FCHSD2: variants seen among roughly 807,000 people sequenced by gnomAD.
FCHSD2 encodes the protein F-BAR and double SH3 domains protein 2.
Under a neutral mutation model 108.1 loss-of-function variants are expected in FCHSD2, and 38 were observed. The ratio of observed to expected loss-of-function variants is 0.35; its 90% CI spans 0.27 to 0.46. The LOEUF is 0.46. FCHSD2 is among the 20% of genes least tolerant of loss of function. The pLI, the probability that FCHSD2 is intolerant of heterozygous loss-of-function variation, is 1.00. For synonymous variants in FCHSD2, 279 were observed against 314.7 expected (o/e 0.89, Z 1.20); for missense variants, 751 against 897.8 (o/e 0.84, Z 2.09).
chr11:73,075,816 G>GA (rs1482723775), intron 3 of FCHSD2, among the ~76,000 whole-genome samples: 1 of 151,174 alleles, frequency 6.6e-6, no homozygotes, highest in Non-Finnish European at 1.5e-5. Context: ...AATCAACAAA[G>GA]AAAAAATCAT....
At chr11:73,008,608 G>C (rs1306091393) in intron 4 of FCHSD2, among the ~76,000 whole-genome samples, 2 of 152,096 alleles carry the variant, frequency 1.3e-5, no homozygotes, top group Admixed American at 6.5e-5. Flanking sequence ...AATGGCCAGA[G>C]GTAAGTAGAG....
intron 13 of FCHSD2, among the ~76,000 whole-genome samples, chr11:72,851,150 G>C (rs1861278364): frequency 6.7e-6 from 1 of 148,326 alleles, no homozygotes; most frequent in South Asian, 2.1e-4. Context: ...CCAAGGATGT[G>C]GAGAACAGGA....
intron 2 of FCHSD2, among the ~76,000 whole-genome samples, chr11:73,126,086 A>G (rs1219815190): frequency 6.6e-6 from 1 of 152,058 alleles, no homozygotes; most frequent in Non-Finnish European, 1.5e-5. Flanking sequence ...TCACACCTGT[A>G]ATCCCAGCAC....
intron 2 of FCHSD2, among the ~76,000 whole-genome samples, chr11:73,103,023 C>T (rs1478267368): frequency 6.6e-6 from 1 of 152,160 alleles, no homozygotes; most frequent in East Asian, 1.9e-4. Context: ...AGTGTATCTA[C>T]TGTATGATTC....
intron 2 of FCHSD2, among the ~76,000 whole-genome samples, chr11:73,085,269 T>C (rs990298124): frequency 6.6e-6 from 1 of 152,164 alleles, no homozygotes. Context: ...GCATTCAAGG[T>C]TAAGCAATGA....
intron 9 of FCHSD2, among the ~76,000 whole-genome samples, chr11:72,909,775 G>C (rs967488673): frequency 2.0e-5 from 3 of 150,634 alleles, no homozygotes; most frequent in African/African-American, 7.3e-5. Context: ...CCCCATCTGG[G>C]AACTGAGGAG....
At chr11:73,074,204 C>T (rs1052311269) in intron 3 of FCHSD2, among the ~76,000 whole-genome samples, 6 of 152,072 alleles carry the variant, frequency 3.9e-5, no homozygotes, top group Non-Finnish European at 1.5e-5. Context: ...TGCTGGAGTG[C>T]AGTCAGGGGG....
intron 14 of FCHSD2, 122 bp from the exon 15 acceptor site, chr11:72,843,654 A>G (rs1175665516): frequency 1.3e-5 from 9 of 683,132 alleles, no homozygotes; most frequent in Non-Finnish European, 2.3e-5. Context: ...TGTTGAACAT[A>G]AAAATTTAAA....
At chr11:73,021,285 T>C (rs1409777043) in intron 3 of FCHSD2, among the ~76,000 whole-genome samples, 1 of 146,762 alleles carries the variant, frequency 6.8e-6, no homozygotes, top group East Asian at 2.0e-4. Flanking sequence ...CCATTAGCAA[T>C]AGCAAAGACA....
At chr11:72,930,852 A>T (rs1410722096) in intron 8 of FCHSD2, among the ~76,000 whole-genome samples, 1 of 152,198 alleles carries the variant, frequency 6.6e-6, no homozygotes, top group Non-Finnish European at 1.5e-5. Flanking sequence ...GTACAAAAAA[A>T]TAGAATAAGA....
Position 73,043,512 on chromosome 11 carries a change from T to C in FCHSD2, c.166-27627A>G, listed in dbSNP as rs116233754. ...GTTAAATTACATACAACTTTTATTG[T>C]TGTCTTTAAAAACTGACCCAATGTA... On this transcript the variant is annotated intron_variant, in intron 3 of 19. Coordinates refer to ENST00000409418, the MANE Select transcript of FCHSD2 (RefSeq NM_014824.3). Among the ~76,000 whole-genome samples the C allele has an allele frequency of 5.2e-3, 785 of 152,340 alleles. 6 individuals carry two copies. Among genetic ancestry groups the C allele is most frequent in the African/African-American group, 0.018 (762 of 41,576 alleles).
chr11:73,045,253 A>G (rs1447958387), intron 3 of FCHSD2, among the ~76,000 whole-genome samples: 15 of 151,908 alleles, frequency 9.9e-5, no homozygotes, highest in Admixed American at 3.3e-4. Flanking sequence ...GCGATCATTA[A>G]AAAGTCAGGA....
chr11:72,919,473 G>T (rs1855938296), intron 9 of FCHSD2, among the ~76,000 whole-genome samples: 1 of 152,148 alleles, frequency 6.6e-6, no homozygotes, highest in African/African-American at 2.4e-5. Flanking sequence ...TATAGTAGAA[G>T]ATCATGGAAA....
intron 3 of FCHSD2, among the ~76,000 whole-genome samples, chr11:73,071,678 C>T (rs866131742): frequency 2.6e-5 from 4 of 151,696 alleles, no homozygotes; most frequent in South Asian, 2.1e-4. Flanking sequence ...TCCAGCCTGG[C>T]GACAGAATGA....
intron 4 of FCHSD2, among the ~76,000 whole-genome samples, chr11:73,008,530 T>C (rs1161348921): frequency 6.6e-6 from 1 of 152,044 alleles, no homozygotes; most frequent in Non-Finnish European, 1.5e-5. Flanking sequence ...AGTGGAGGTG[T>C]TGATAAGAAC....
chr11:73,122,305 C>G (rs898317031), intron 2 of FCHSD2, among the ~76,000 whole-genome samples: 1 of 152,104 alleles, frequency 6.6e-6, no homozygotes, highest in Non-Finnish European at 1.5e-5. Flanking sequence ...AAAACTTCCC[C>G]GTATTAGAGA....
chr11:73,055,434 T>C (rs1481562432), intron 3 of FCHSD2, among the ~76,000 whole-genome samples: 3 of 152,014 alleles, frequency 2.0e-5, no homozygotes, highest in Non-Finnish European at 4.4e-5. Context: ...TTTCTACCCA[T>C]ACAGAGCTCT....
chr11:72,980,709 T>C (rs1469042105), intron 8 of FCHSD2, among the ~76,000 whole-genome samples: 2 of 149,714 alleles, frequency 1.3e-5, no homozygotes, highest in Non-Finnish European at 3.0e-5. Flanking sequence ...TGTATGTATG[T>C]ATATATATGT....
chr11:72,955,130 G>C (rs1463060948), intron 8 of FCHSD2, among the ~76,000 whole-genome samples: 1 of 152,074 alleles, frequency 6.6e-6, no homozygotes, highest in Non-Finnish European at 1.5e-5. Context: ...CCACAAGACT[G>C]CTCCCCACTT....
Sources: gnomAD v4.1 joint callset for allele counts (sites outside exome capture counted in the v4.1 genomes callset) on GRCh38, gnomAD v4.1.1 for gene constraint, MANE v1.5 for transcripts, NCBI Gene and HGNC (gene_info 2026-07-23, HGNC 2026-07-21) for gene names.